Variants in PDE3A observed in about 807,000 individuals in gnomAD.
PDE3A encodes the protein phosphodiesterase 3A.
In PDE3A, 43 loss-of-function variants were observed where a neutral mutation model predicts 98.3. That is an observed-to-expected ratio of 0.44 (90% CI 0.34 to 0.56). PDE3A has a LOEUF of 0.56. PDE3A is among the 20% of genes least tolerant of loss of function. PDE3A has a pLI of 0.01. For synonymous variants in PDE3A, 663 were observed against 567.9 expected, an observed-to-expected ratio of 1.17 and a Z score of -2.38; for missense variants, 1,427 against 1,440.7, an observed-to-expected ratio of 0.99 and a Z score of 0.15.
intron 1 of PDE3A, among the ~76,000 whole-genome samples, chr12:20,395,432 G>A (rs1393071983): frequency 6.7e-6 from 1 of 149,592 alleles, no homozygotes; most frequent in Non-Finnish European, 1.5e-5. Flanking sequence ...ACAGTTTAAT[G>A]AAGAGCTGTA....
chr12:20,456,736 T>G (rs1945159150), intron 1 of PDE3A, among the ~76,000 whole-genome samples: 1 of 152,190 alleles, frequency 6.6e-6, no homozygotes, highest in African/African-American at 2.4e-5. Context: ...ATTTCAGTTC[T>G]TAGAAGTTTA....
At chr12:20,672,841 T>G (rs1391337471) in intron 15 of PDE3A, among the ~76,000 whole-genome samples, 1 of 131,928 alleles carries the variant, frequency 7.6e-6, no homozygotes, top group African/African-American at 2.9e-5. Flanking sequence ...AAGACAAAAT[T>G]GACAAATGGG....
At position 20,368,731 on chromosome 12, in the gene PDE3A, A is replaced by T. The variant is rs537031284; in HGVS notation, c.-554A>T. Among the ~76,000 whole-genome samples the T allele has an allele frequency of 1.1e-3, 160 of 151,866 alleles. No individual in the cohort carries two copies. Among genetic ancestry groups the T allele is most frequent in the South Asian group, 9.4e-3 (45 of 4,804 alleles). On this transcript the variant is annotated 5_prime_UTR_variant, in exon 1 of 16. An upstream open reading frame in the 5' UTR gains an earlier in-frame stop. Coordinates refer to ENST00000359062, the MANE Select transcript of PDE3A (RefSeq NM_000921.5). ...CGGGGAGAATCGGCCGAGGAGAAAG[A>T]AAGAGTGATAGAAAAAGAGCTGCAG...
rs1943025058 is a variant in PDE3A at position 20,579,898 on chromosome 12, G to C, written c.1011+23188G>C. 7.2e-5 allele frequency among the ~76,000 whole-genome samples: 11 copies of C among 152,272 alleles called. No individual in the cohort carries two copies. The South Asian group carries it at 2.3e-3, about 32-fold the overall frequency. The stretch of plus-strand genomic sequence containing the variant: ...AGAGCCATGTATTATAGAAATTGGA[G>C]TGGGAATGAACTCTCACAGAAAGAA... On this transcript the variant is annotated intron_variant, in intron 2 of 15. Transcript: ENST00000359062.
At chr12:20,468,737 A>G (rs1945386419) in intron 1 of PDE3A, among the ~76,000 whole-genome samples, 1 of 152,146 alleles carries the variant, frequency 6.6e-6, no homozygotes, top group Non-Finnish European at 1.5e-5. Context: ...GTCCTTAAGA[A>G]TTGTTTGTTC....
At chr12:20,644,138 C>G (rs1210279220) in intron 10 of PDE3A, among the ~76,000 whole-genome samples, 1 of 152,186 alleles carries the variant, frequency 6.6e-6, no homozygotes, top group Non-Finnish European at 1.5e-5. Flanking sequence ...TCCAACATAT[C>G]TCCCAAAAGT....
chr12:20,378,904 G>T (rs1424395280), intron 1 of PDE3A, among the ~76,000 whole-genome samples: 1 of 151,410 alleles, frequency 6.6e-6, no homozygotes, highest in Non-Finnish European at 1.5e-5. Flanking sequence ...ACCTAATAGA[G>T]TCTTCTCCCT....
intron 1 of PDE3A, among the ~76,000 whole-genome samples, chr12:20,493,125 G>A (rs1832767279): frequency 2.0e-5 from 3 of 152,076 alleles, no homozygotes. Flanking sequence ...AGCAAATATT[G>A]TTAATAGTAT....
chr12:20,536,132 G>T (rs1280823284), intron 1 of PDE3A, among the ~76,000 whole-genome samples: 1 of 152,066 alleles, frequency 6.6e-6, no homozygotes, highest in Non-Finnish European at 1.5e-5. Flanking sequence ...TAGGAATAAT[G>T]ATCATCATAC....
chr12:20,664,573 G>A (rs1945261533), intron 15 of PDE3A, among the ~76,000 whole-genome samples: 3 of 152,070 alleles, frequency 2.0e-5, no homozygotes, highest in African/African-American at 7.2e-5. Flanking sequence ...GGACCCAATG[G>A]GAGACACTTG....
At chr12:20,612,051 A>G (rs1463552878) in intron 2 of PDE3A, among the ~76,000 whole-genome samples, 2 of 151,962 alleles carry the variant, frequency 1.3e-5, no homozygotes, top group African/African-American at 4.8e-5. Flanking sequence ...CATAGAATAT[A>G]TACATTTAAG....
At chr12:20,422,301 A>C (rs945442621) in intron 1 of PDE3A, among the ~76,000 whole-genome samples, 2 of 151,900 alleles carry the variant, frequency 1.3e-5, no homozygotes, top group African/African-American at 4.8e-5. Flanking sequence ...CCAAGATCGC[A>C]CCACTGCACT....
At chr12:20,612,685 TA>T (rs368514050) in intron 2 of PDE3A, among the ~76,000 whole-genome samples, 22 of 134 alleles carry the variant, frequency 0.16, no homozygotes, top group African/African-American at 0.28. Context: ...TATAAGTAAC[TA>T]TATATAAGTA....
intron 6 of PDE3A, among the ~76,000 whole-genome samples, chr12:20,632,320 CCTCTT>C (rs1184564844): frequency 2.0e-5 from 3 of 152,118 alleles, no homozygotes; most frequent in African/African-American, 4.8e-5. Flanking sequence ...GGTCTACCTA[CCTCTT>C]CTCTTAGTGC....
intron 14 of PDE3A, among the ~76,000 whole-genome samples, chr12:20,652,828 G>T (rs980183469): frequency 6.6e-6 from 1 of 152,078 alleles, no homozygotes; most frequent in Non-Finnish European, 1.5e-5. Context: ...TGACAAATGG[G>T]GATCTCATCA....
intron 1 of PDE3A, among the ~76,000 whole-genome samples, chr12:20,489,726 A>C (rs1023357935): frequency 1.3e-5 from 2 of 152,226 alleles, no homozygotes; most frequent in African/African-American, 4.8e-5. Flanking sequence ...AAATTAAGTC[A>C]GAAAATAATG....
intron 1 of PDE3A, among the ~76,000 whole-genome samples, chr12:20,436,248 C>T (rs907501811): frequency 6.6e-6 from 1 of 152,032 alleles, no homozygotes; most frequent in Non-Finnish European, 1.5e-5. Flanking sequence ...TAGGAAGTTA[C>T]AGCTTCAATG....
chr12:20,506,062 ATATT>A (rs1314283724), intron 1 of PDE3A, among the ~76,000 whole-genome samples: 1 of 151,634 alleles, frequency 6.6e-6, no homozygotes, highest in Non-Finnish European at 1.5e-5. Flanking sequence ...CAAATAATAT[ATATT>A]AGGGTCAAGG....
At chr12:20,501,320 C>T (rs1946020929) in intron 1 of PDE3A, among the ~76,000 whole-genome samples, 1 of 152,164 alleles carries the variant, frequency 6.6e-6, no homozygotes, top group Non-Finnish European at 1.5e-5. Flanking sequence ...AAACATAAGT[C>T]TCTACAGCAC....
Sources: gnomAD v4.1 joint callset for allele counts (sites outside exome capture counted in the v4.1 genomes callset) on GRCh38, gnomAD v4.1.1 for gene constraint, MANE v1.5 for transcripts, NCBI Gene and HGNC (gene_info 2026-07-23, HGNC 2026-07-21) for gene names.